PRRC2B: variants seen among roughly 807,000 people sequenced by gnomAD.
PRRC2B encodes protein PRRC2B.
A neutral mutation model predicts 242.3 loss-of-function variants in PRRC2B; 68 were observed. The observed-to-expected ratio is 0.28, with a 90% CI of 0.23 to 0.34. PRRC2B has a LOEUF of 0.34. PRRC2B is among the 10% of genes least tolerant of loss of function. PRRC2B has a pLI of 1.00. For synonymous variants in PRRC2B, 1,228 were observed against 1,173.6 expected, an observed-to-expected ratio of 1.05 and a Z score of -0.95; for missense variants, 2,835 against 2,954.8, an observed-to-expected ratio of 0.96 and a Z score of 0.94.
chr9:131,478,341 C>T lies in PRRC2B; in HGVS notation c.4613-133C>T, dbSNP rs544136581. ...AACAATGTGTTAGATCAGAGGCGGC[C>T]TGAGAAAAGTGCGGAAGTCCTGTCC... On this transcript the variant is annotated intron_variant, in intron 17 of 31. Coordinates refer to ENST00000683519, the MANE Select transcript of PRRC2B (RefSeq NM_013318.4). The T allele has an allele frequency of 2.0e-5, 17 of 868,182 alleles. No individual in the cohort carries two copies. The South Asian group carries it at 2.4e-4, about 12-fold the overall frequency. The allele number at this position is 868,182 out of a possible 1,614,324, so 53.8% of individuals were successfully genotyped here. A position where few individuals can be genotyped will look rare whatever the true frequency, so the allele number is the denominator to read the frequency against.
intron 1 of PRRC2B, among the ~76,000 whole-genome samples, chr9:131,401,849 C>T (rs1356816447): frequency 6.6e-6 from 1 of 151,174 alleles, no homozygotes; most frequent in East Asian, 1.9e-4. Flanking sequence ...TTAGTGGAGA[C>T]GGGGTTTCAC....
chr9:131,420,489 C>T (rs867885008), intron 1 of PRRC2B, among the ~76,000 whole-genome samples: 75 of 17,624 alleles, frequency 4.3e-3, no homozygotes, highest in African/African-American at 1.0e-2. Flanking sequence ...TTCTTTCTTT[C>T]TTTCTTTTTT....
chr9:131,392,950 A>G (rs1002411046), upstream of PRRC2B, among the ~76,000 whole-genome samples: 4 of 151,904 alleles, frequency 2.6e-5, no homozygotes, highest in East Asian at 3.8e-4. Flanking sequence ...GAAAAAAAGG[A>G]TAACACTGAA....
Position 131,467,892 on chromosome 9 carries a change from G to A in PRRC2B, c.1911+139G>A, listed in dbSNP as rs1943440815. On this transcript the variant is annotated intron_variant, in intron 13 of 31. Transcript: ENST00000683519. The stretch of plus-strand genomic sequence containing the variant: ...CTTATGTGCCCCCAAGACCAGTGGG[G>A]ACGTCAGGAGTTGTACCTCAAAACT... 4.9e-6 allele frequency: 4 copies of A among 809,406 alleles called. No homozygotes were observed. The South Asian group carries it at 7.5e-5, about 15-fold the overall frequency. The allele number at this position is 809,406 out of a possible 1,614,324, so 50.1% of individuals were successfully genotyped here. A position where few individuals can be genotyped will look rare whatever the true frequency, so the allele number is the denominator to read the frequency against.
At chr9:131,463,616 T>G (rs930545415) in intron 11 of PRRC2B, among the ~76,000 whole-genome samples, 1 of 144,374 alleles carries the variant, frequency 6.9e-6, no homozygotes, top group African/African-American at 2.5e-5. Context: ...AAAGAGATTT[T>G]TTTTAGGCAT....
chr9:131,394,604 G>T (rs1414113015), intron 1 of PRRC2B, among the ~76,000 whole-genome samples: 1 of 151,152 alleles, frequency 6.6e-6, no homozygotes, highest in Non-Finnish European at 1.5e-5. Context: ...GCCGGGCCGG[G>T]CTGCAGAGGC....
At chr9:131,479,227 C>G (rs1347625505) in intron 18 of PRRC2B, 25 bp from the exon 19 acceptor site, 1 of 1,612,346 alleles carries the variant, frequency 6.2e-7, no homozygotes, top group Middle Eastern at 1.7e-4. Context: ...TTTGGCTAGA[C>G]TACAGCATCC....
At chr9:131,408,661 C>T (rs1294176816) in intron 1 of PRRC2B, among the ~76,000 whole-genome samples, 11 of 151,954 alleles carry the variant, frequency 7.2e-5, no homozygotes, top group Admixed American at 7.2e-4. Context: ...GGCTGTCCAC[C>T]AGTTTGTTAA....
chr9:131,440,939 GAAATACAAA>G (rs1180721666), intron 5 of PRRC2B, among the ~76,000 whole-genome samples: 1 of 151,914 alleles, frequency 6.6e-6, no homozygotes, highest in African/African-American at 2.4e-5. Flanking sequence ...GTCTCTACAA[GAAATACAAA>G]AAATCAGCCA....
intron 18 of PRRC2B, 30 bp downstream of exon 18, chr9:131,478,649 G>GGGGGGGGGGCCCCCGGGCC: frequency 2.0e-6 from 1 of 504,554 alleles, no homozygotes; most frequent in African/African-American, 2.0e-5. Flanking sequence ...GGGGCATGGG[G>GGGGGGGGGGCCCCCGGGCC]CTGGAGGGCA....
chr9:131,444,392 C>G, intron 6 of PRRC2B, 64 bp downstream of exon 6: 2 of 1,555,106 alleles, frequency 1.3e-6, no homozygotes, highest in South Asian at 2.4e-5. Flanking sequence ...CATCTCTCTG[C>G]ACTCCTAAAA....
chr9:131,474,347 T>C, intron 15 of PRRC2B, 107 bp from the exon 16 acceptor site: 1 of 955,460 alleles, frequency 1.0e-6, no homozygotes, highest in Non-Finnish European at 1.5e-6. Flanking sequence ...AAAAGTGTTT[T>C]AGTTTTTGTT....
rs1163415531 is a variant in PRRC2B, at chr9:131,487,618, T to C, written c.5985-238T>C. Among the ~76,000 whole-genome samples, 1 of 152,182 alleles carries C rather than the reference T, an allele frequency of 6.6e-6. No individual in the cohort carries two copies. Among genetic ancestry groups the C allele is most frequent in the Non-Finnish European group, 1.5e-5 (1 of 68,022 alleles). On this transcript the variant is annotated intron_variant, in intron 27 of 31. Coordinates refer to ENST00000683519, the MANE Select transcript of PRRC2B (RefSeq NM_013318.4). This position sits in a 1 kb window ranked among gnomAD's most constrained non-coding sequence, Gnocchi z 5.3. ...TCTCCGTCAGTGTGGCTGCCAGTCA[T>C]TGTGGCTGATGTCCTGTGCCTCGTA...
At chr9:131,407,902 G>T (rs780398234) in intron 1 of PRRC2B, among the ~76,000 whole-genome samples, 15 of 152,224 alleles carry the variant, frequency 9.9e-5, no homozygotes, top group Non-Finnish European at 1.9e-4. Flanking sequence ...CTTAGTGGCG[G>T]TTAGGAGGAT....
rs112503762 is a variant in PRRC2B, at chr9:131,398,511, C to T, written c.-52+4248C>T. Among the ~76,000 whole-genome samples the T allele has an allele frequency of 4.2e-3, 637 of 152,316 alleles. 6 individuals are homozygous for T. The highest frequency in any genetic ancestry group is 0.015 in the African/African-American group (607 of 41,564). ...CTTCCTTCCGTTCTTACCTCTGCAGCCAGTTGTGTGGCTTCCGTCTGGACC... is the reference window on the plus strand; with the variant it reads ...CTTCCTTCCGTTCTTACCTCTGCAGTCAGTTGTGTGGCTTCCGTCTGGACC... On this transcript the variant is annotated intron_variant, in intron 1 of 31. Coordinates refer to ENST00000683519, the MANE Select transcript of PRRC2B (RefSeq NM_013318.4).
At chr9:131,447,269 T>C (rs1463677203) in intron 8 of PRRC2B, 63 bp downstream of exon 8, 131 of 1,591,218 alleles carry the variant, frequency 8.2e-5, no homozygotes, top group Non-Finnish European at 1.6e-5. Flanking sequence ...CTGGTCAAGA[T>C]GAGGGGCTGA....
intron 19 of PRRC2B, among the ~76,000 whole-genome samples, chr9:131,479,714 C>T (rs949150927): frequency 1.3e-5 from 2 of 152,134 alleles, no homozygotes; most frequent in Non-Finnish European, 2.9e-5. Flanking sequence ...TGTTGGTCGT[C>T]GTTTTCTCCC....
At chr9:131,428,569 G>A (rs1285839270) in intron 1 of PRRC2B, among the ~76,000 whole-genome samples, 1 of 151,996 alleles carries the variant, frequency 6.6e-6, no homozygotes, top group Non-Finnish European at 1.5e-5. Flanking sequence ...GCTAATTTGT[G>A]TAATTTTAGT....
chr9:131,457,477 C>G (rs1441002329), intron 10 of PRRC2B, among the ~76,000 whole-genome samples: 1 of 152,200 alleles, frequency 6.6e-6, no homozygotes, highest in African/African-American at 2.4e-5. Context: ...ACGATCTCCT[C>G]CTGAAACCTG....
Sources: gnomAD v4.1 joint callset for allele counts (sites outside exome capture counted in the v4.1 genomes callset) on GRCh38, gnomAD v4.1.1 for gene constraint, Gnocchi (gnomAD v3.1) non-coding constraint, MANE v1.5 for transcripts, NCBI Gene and HGNC (gene_info 2026-07-23, HGNC 2026-07-21) for gene names.